ZBTB20: variants seen among roughly 807,000 people sequenced by gnomAD.
The protein encoded by ZBTB20 is zinc finger and BTB domain containing 20.
A neutral mutation model predicts 56.9 loss-of-function variants in ZBTB20; 9 were observed. The observed-to-expected ratio is 0.16, with a 90% CI of 0.10 to 0.28. The LOEUF (loss-of-function observed/expected upper bound fraction) is 0.28. ZBTB20 is among the 10% of genes least tolerant of loss of function. The probability of loss-of-function intolerance (pLI) is 1.00; values close to 1 mark genes in which losing one functional copy is unlikely to be tolerated. For missense variants in ZBTB20, 655 were observed against 1,003.0 expected, an observed-to-expected ratio of 0.65 and a Z score of 4.69; for synonymous variants, 417 against 420.7, an observed-to-expected ratio of 0.99 and a Z score of 0.11.
rs140300791 is a variant in ZBTB20, at chr3:114,816,399, T to G, written c.-416-15225A>C. Among the ~76,000 whole-genome samples, 393 of 152,290 alleles carry G rather than the reference T, an allele frequency of 2.6e-3. 2 individuals carry two copies. Among genetic ancestry groups the G allele is most frequent in the South Asian group, 4.8e-3 (23 of 4,822 alleles). On this transcript the variant is annotated intron_variant, in intron 4 of 11. Coordinates refer to ENST00000675478, the MANE Select transcript of ZBTB20 (RefSeq NM_001348800.3). ...AAAAAATGCCTTGAAGTTTGGAAGCTGTAAGTATTATCTAATCAATAGTAT... is the reference window on the plus strand; with the variant it reads ...AAAAAATGCCTTGAAGTTTGGAAGCGGTAAGTATTATCTAATCAATAGTAT...
At chr3:115,136,001 A>G (rs1016920152) in intron 1 of ZBTB20, among the ~76,000 whole-genome samples, 6 of 152,154 alleles carry the variant, frequency 3.9e-5, no homozygotes, top group African/African-American at 1.4e-4. Flanking sequence ...GATAGGAATC[A>G]TATAGGATAT....
intron 4 of ZBTB20, among the ~76,000 whole-genome samples, chr3:114,892,775 T>C (rs1420335202): frequency 1.3e-5 from 2 of 152,166 alleles, no homozygotes; most frequent in African/African-American, 4.8e-5. Context: ...AAGAGATCCA[T>C]AGGTTGCAAG....
chr3:114,925,508 T>C (rs537413316), intron 3 of ZBTB20, among the ~76,000 whole-genome samples: 2 of 152,104 alleles, frequency 1.3e-5, no homozygotes, highest in African/African-American at 4.8e-5. Flanking sequence ...ATGGGGTTTT[T>C]ATTTGTTTGG....
At chr3:114,700,983 A>T (rs568717647) in intron 5 of ZBTB20, among the ~76,000 whole-genome samples, 1 of 152,176 alleles carries the variant, frequency 6.6e-6, no homozygotes, top group Non-Finnish European at 1.5e-5. Flanking sequence ...GCAACTATTT[A>T]ATAATTTCAA....
At chr3:114,504,118 GA>G (rs1559881398) in intron 6 of ZBTB20, among the ~76,000 whole-genome samples, 1 of 152,140 alleles carries the variant, frequency 6.6e-6, no homozygotes, top group Non-Finnish European at 1.5e-5. Flanking sequence ...CAGCAGCAAA[GA>G]AAATGTATAA....
chr3:114,421,302 G>A (rs2089145354), intron 7 of ZBTB20, among the ~76,000 whole-genome samples: 1 of 152,158 alleles, frequency 6.6e-6, no homozygotes, highest in South Asian at 2.1e-4. Context: ...GAGAAGGTAA[G>A]TAATTCACTA....
At chr3:114,381,266 G>C (rs948253602) in intron 8 of ZBTB20, among the ~76,000 whole-genome samples, 10 of 152,158 alleles carry the variant, frequency 6.6e-5, no homozygotes, top group African/African-American at 2.2e-4. Flanking sequence ...GCATCGTCCT[G>C]GAGTTTAGGG....
intron 5 of ZBTB20, among the ~76,000 whole-genome samples, chr3:114,779,927 G>A (rs559852623): frequency 2.2e-4 from 34 of 151,754 alleles, no homozygotes; most frequent in Non-Finnish European, 3.7e-4. Context: ...CTTCAAAGTG[G>A]GTAGATTTAT....
intron 4 of ZBTB20, among the ~76,000 whole-genome samples, chr3:114,826,174 A>G (rs1230566798): frequency 6.6e-6 from 1 of 151,794 alleles, no homozygotes; most frequent in Non-Finnish European, 1.5e-5. Context: ...GGTTGAGATT[A>G]AAGCCAAGAC....
chr3:114,959,720 TACAC>T (rs56785871), intron 3 of ZBTB20, among the ~76,000 whole-genome samples: 198 of 145,342 alleles, frequency 1.4e-3, no homozygotes, highest in Middle Eastern at 3.5e-3. Context: ...TTTATATACA[TACAC>T]ACACACACAC....
chr3:114,895,303 T>C (rs1353264648), intron 4 of ZBTB20, among the ~76,000 whole-genome samples: 1 of 152,158 alleles, frequency 6.6e-6, no homozygotes, highest in East Asian at 1.9e-4. Flanking sequence ...TTTTAAGTCA[T>C]TTTGATGCAT....
At chr3:115,098,967 G>T (rs903478183) in intron 1 of ZBTB20, among the ~76,000 whole-genome samples, 1 of 152,254 alleles carries the variant, frequency 6.6e-6, no homozygotes, top group South Asian at 2.1e-4. Flanking sequence ...AAACATTTGT[G>T]TATCTATGTG....
intron 1 of ZBTB20, among the ~76,000 whole-genome samples, chr3:115,112,827 T>G (rs1375969566): frequency 1.3e-5 from 2 of 152,142 alleles, no homozygotes; most frequent in Non-Finnish European, 2.9e-5. Flanking sequence ...ATAGAGAGAT[T>G]GCAATAGAGA....
At chr3:115,030,591 G>C (rs1010027675) in intron 2 of ZBTB20, among the ~76,000 whole-genome samples, 1 of 150,960 alleles carries the variant, frequency 6.6e-6, no homozygotes, top group South Asian at 2.1e-4. Flanking sequence ...AACATCAATA[G>C]GGAGACAAAC....
intron 2 of ZBTB20, among the ~76,000 whole-genome samples, chr3:115,065,478 A>G (rs572122482): frequency 6.6e-6 from 1 of 152,198 alleles, no homozygotes; most frequent in South Asian, 2.1e-4. Flanking sequence ...GTGTCTCTTT[A>G]ATATGTTGCT....
Position 114,944,282 on chromosome 3 carries a change from T to A in ZBTB20, c.-456+30084A>T, listed in dbSNP as rs148467333. ...AAAGCAAATTAGAACCACAATGAGA[T>A]CACCTCACACCTGTTAGAAAGGCTA... On this transcript the variant is annotated intron_variant, in intron 3 of 11. Coordinates refer to ENST00000675478, the MANE Select transcript of ZBTB20 (RefSeq NM_001348800.3). Among the ~76,000 whole-genome samples, 24 of 145,770 alleles carry A rather than the reference T, an allele frequency of 1.6e-4. 4 individuals are homozygous for A. The highest frequency in any genetic ancestry group is 6.7e-4 in the African/African-American group (24 of 35,974).
intron 5 of ZBTB20, among the ~76,000 whole-genome samples, chr3:114,705,185 C>G (rs936786878): frequency 2.0e-5 from 3 of 152,086 alleles, no homozygotes; most frequent in Non-Finnish European, 4.4e-5. Context: ...GTATATAATA[C>G]TAACCCTTCC....
intron 6 of ZBTB20, among the ~76,000 whole-genome samples, chr3:114,653,632 C>A (rs1055011731): frequency 6.6e-6 from 1 of 151,932 alleles, no homozygotes; most frequent in African/African-American, 2.4e-5. Flanking sequence ...ATGCCTGTCT[C>A]ATAAATCAGG....
chr3:114,403,806 G>T (rs1025599745), intron 7 of ZBTB20, among the ~76,000 whole-genome samples: 4 of 152,072 alleles, frequency 2.6e-5, no homozygotes, highest in Non-Finnish European at 5.9e-5. Context: ...AAATGATTAT[G>T]GAGAAACTGA....
Sources: gnomAD v4.1 joint callset for allele counts (sites outside exome capture counted in the v4.1 genomes callset) on GRCh38, gnomAD v4.1.1 for gene constraint, MANE v1.5 for transcripts, NCBI Gene and HGNC (gene_info 2026-07-23, HGNC 2026-07-21) for gene names.